The following NTRK2 variants were observed in gnomAD, a reference collection of about 807,000 sequenced individuals.
The protein encoded by NTRK2 is neurotrophic receptor tyrosine kinase 2.
NTRK2 carries 13 observed loss-of-function variants against 94.5 expected under a neutral mutation model. The observed-to-expected ratio is 0.14, with a 90% confidence interval of 0.09 to 0.22. NTRK2 has a LOEUF of 0.22. NTRK2 is among the 10% of genes least tolerant of loss of function. NTRK2 has a pLI of 1.00. For synonymous variants in NTRK2, 372 were observed against 407.4 expected, an observed-to-expected ratio of 0.91 and a Z score of 1.05; for missense variants, 639 against 1,071.2, an observed-to-expected ratio of 0.60 and a Z score of 5.63.
At chr9:84,750,651 G>A (rs912767549) in intron 11 of NTRK2, among the ~76,000 whole-genome samples, 1 of 152,154 alleles carries the variant, frequency 6.6e-6, no homozygotes, top group Admixed American at 6.5e-5. Flanking sequence ...ATGCTCCACC[G>A]GCAGAGCTGG....
chr9:84,676,761 G>A (rs2059082908), intron 2 of NTRK2, among the ~76,000 whole-genome samples: 1 of 152,112 alleles, frequency 6.6e-6, no homozygotes, highest in Non-Finnish European at 1.5e-5. Flanking sequence ...GAAAGTAACT[G>A]TGGTTTTTGC....
At chr9:84,828,948 T>C (rs138226894) in intron 12 of NTRK2, among the ~76,000 whole-genome samples, 3 of 152,110 alleles carry the variant, frequency 2.0e-5, no homozygotes, top group Admixed American at 2.0e-4. Flanking sequence ...GGATTGTTTG[T>C]TTTGTTTTTT....
chr9:84,791,662 A>G (rs1262451035), intron 12 of NTRK2, among the ~76,000 whole-genome samples: 1 of 152,200 alleles, frequency 6.6e-6, no homozygotes, highest in African/African-American at 2.4e-5. Flanking sequence ...TCGTAGAAGT[A>G]ATGTTTTGTT....
At chr9:84,877,085 C>T (rs1413728303) in intron 14 of NTRK2, 50 of 1,064,370 alleles carry the variant, frequency 4.7e-5, no homozygotes, top group Non-Finnish European at 5.1e-5. Flanking sequence ...AAGATCATCA[C>T]TCATGTCCTG....
intron 15 of NTRK2, among the ~76,000 whole-genome samples, chr9:84,942,982 G>A (rs2078464101): frequency 6.6e-6 from 1 of 152,010 alleles, no homozygotes; most frequent in African/African-American, 2.4e-5. Context: ...CATGCATCTT[G>A]GTTGACTGGT....
intron 17 of NTRK2, 161 bp downstream of exon 17, chr9:84,955,678 A>T: frequency 1.4e-6 from 1 of 731,092 alleles, no homozygotes; most frequent in Non-Finnish European, 2.4e-6. Flanking sequence ...TCCAAGCTCA[A>T]GGTGTGAGTG....
At chr9:84,830,141 A>C (rs1248874636) in intron 12 of NTRK2, among the ~76,000 whole-genome samples, 1 of 152,200 alleles carries the variant, frequency 6.6e-6, no homozygotes, top group Admixed American at 6.5e-5. Flanking sequence ...TAAGTATGGA[A>C]GCCTCACAGT....
At chr9:84,800,262 G>T (rs917423477) in intron 12 of NTRK2, among the ~76,000 whole-genome samples, 1 of 152,082 alleles carries the variant, frequency 6.6e-6, no homozygotes, top group East Asian at 1.9e-4. Context: ...GAGTGCAATG[G>T]CATGATTTAG....
At chr9:84,828,863 C>G (rs2073351240) in intron 12 of NTRK2, among the ~76,000 whole-genome samples, 1 of 151,954 alleles carries the variant, frequency 6.6e-6, no homozygotes, top group African/African-American at 2.4e-5. Context: ...GGGACTGTGT[C>G]AAATGGAATG....
intron 12 of NTRK2, among the ~76,000 whole-genome samples, chr9:84,755,049 G>A (rs914994575): frequency 6.6e-6 from 1 of 152,150 alleles, no homozygotes; most frequent in Non-Finnish European, 1.5e-5. Flanking sequence ...ATTGGCCTGA[G>A]ATCCACCCCT....
chr9:84,793,991 C>A (rs542147785), intron 12 of NTRK2, among the ~76,000 whole-genome samples: 1 of 152,306 alleles, frequency 6.6e-6, no homozygotes, highest in South Asian at 2.1e-4. Flanking sequence ...CTGACCTCTT[C>A]TATGCAAAAT....
At chr9:84,873,255 G>A (rs200946129) in intron 14 of NTRK2, 1 of 1,059,864 alleles carries the variant, frequency 9.4e-7, no homozygotes, top group East Asian at 5.1e-5. Context: ...TGTTTAATTG[G>A]CCAAATAATG....
At chr9:84,725,278 A>G (rs2062363882) in intron 8 of NTRK2, among the ~76,000 whole-genome samples, 1 of 152,194 alleles carries the variant, frequency 6.6e-6, no homozygotes, top group Non-Finnish European at 1.5e-5. Context: ...GGAGTGAATG[A>G]TTGAAATCAT....
At chr9:84,842,926 C>G (rs1268089860) in intron 12 of NTRK2, among the ~76,000 whole-genome samples, 1 of 152,146 alleles carries the variant, frequency 6.6e-6, no homozygotes, top group Non-Finnish European at 1.5e-5. Flanking sequence ...GAGTATGTAC[C>G]TAGAGGACCT....
At chr9:84,738,099 T>C (rs75984891) in intron 9 of NTRK2, among the ~76,000 whole-genome samples, 2,620 of 151,180 alleles carry the variant, frequency 0.017, 174 homozygotes, top group African/African-American at 0.06. Flanking sequence ...TGAATAGAGT[T>C]CCTGGATTTC....
chr9:84,814,071 G>A, intron 12 of NTRK2: 1 of 1,065,124 alleles, frequency 9.4e-7, no homozygotes, highest in East Asian at 5.0e-5. Flanking sequence ...ATTGATTCAG[G>A]GGTTTTCTCT....
At chr9:84,706,759 T>C (rs1163041078) in intron 4 of NTRK2, among the ~76,000 whole-genome samples, 1 of 151,820 alleles carries the variant, frequency 6.6e-6, no homozygotes, top group Non-Finnish European at 1.5e-5. Context: ...CTCGATCTCC[T>C]GACCTCATGA....
intron 16 of NTRK2, among the ~76,000 whole-genome samples, chr9:84,952,260 CATCCTCTCTGCT>C (rs1373208965): frequency 6.6e-6 from 1 of 152,168 alleles, no homozygotes; most frequent in Admixed American, 6.5e-5. Flanking sequence ...ACCACTCTGC[CATCCTCTCTGCT>C]GAGGTGCTTG....
chr9:84,846,585 G>T (rs2074484864), intron 12 of NTRK2, among the ~76,000 whole-genome samples: 2 of 152,202 alleles, frequency 1.3e-5, no homozygotes, highest in Non-Finnish European at 2.9e-5. Context: ...TATATTAAAA[G>T]TGATAAATCA....
Sources: gnomAD v4.1 joint callset for allele counts (sites outside exome capture counted in the v4.1 genomes callset) on GRCh38, gnomAD v4.1.1 for gene constraint, MANE v1.5 for transcripts, NCBI Gene and HGNC (gene_info 2026-07-23, HGNC 2026-07-21) for gene names.